The following AFF2 variants were observed in gnomAD, a reference collection of about 807,000 sequenced individuals.
AFF2 encodes the protein AF4/FMR2 family member 2.
Under a neutral mutation model 76.9 loss-of-function variants are expected in AFF2, and 14 were observed. The ratio of observed to expected loss-of-function variants is 0.18; its 90% CI spans 0.12 to 0.28. The LOEUF (loss-of-function observed/expected upper bound fraction) is 0.28, where lower values mean the gene tolerates loss of function less well. Among genes scored for constraint, AFF2 ranks in the 10% least tolerant of loss-of-function variants. The pLI is 1.00. For synonymous variants in AFF2, 398 were observed against 366.7 expected (o/e 1.09, Z -0.98); for missense variants, 868 against 1,001.1 (o/e 0.87, Z 1.79).
At chrX:148,640,581 AACTGAG>A (rs1239183490) in intron 1 of AFF2, among the ~76,000 whole-genome samples, 1 of 112,593 alleles carries the variant, frequency 8.9e-6, no homozygotes, top group Non-Finnish European at 1.9e-5. Flanking sequence ...AGTTTTGGAT[AACTGAG>A]ACTGATAACT....
intron 1 of AFF2, among the ~76,000 whole-genome samples, chrX:148,602,684 C>T (rs1446564157): frequency 9.0e-6 from 1 of 110,889 alleles, no homozygotes; most frequent in East Asian, 2.9e-4. Flanking sequence ...CGAGAAGAGG[C>T]TGAAGAACAG....
chrX:148,803,740 G>A (rs1569555773), intron 3 of AFF2, among the ~76,000 whole-genome samples: 2 of 111,267 alleles, frequency 1.8e-5, no homozygotes, highest in East Asian at 5.7e-4. Context: ...AGCTGATGAT[G>A]GGCCTTTCTG....
At position 148,773,681 on chromosome X, in the gene AFF2, GGAAGGAAAGAAAGAAAGAAA is replaced by G. The variant is rs1298765202; in HGVS notation, c.1042-36191_1042-36172del. Among the ~76,000 whole-genome samples the G allele has an allele frequency of 9.1e-3, 383 of 42,190 alleles. 6 individuals are homozygous for G. The highest frequency in any genetic ancestry group is 0.024 in the African/African-American group (367 of 14,992). The allele number at this position is 42,190 out of a possible 115,157, so 36.6% of individuals were successfully genotyped here. A position where few individuals can be genotyped will look rare whatever the true frequency, so the allele number is the denominator to read the frequency against. On this transcript the variant is annotated intron_variant, in intron 3 of 20. Coordinates refer to ENST00000370460, the MANE Select transcript of AFF2 (RefSeq NM_002025.4). ...AGGAAGGAAGGAAAGAAGGAAGGAAGGAAGGAAAGAAAGAAAGAAAGAAAGAAAGAAAGAAAGAAAGAAAG... is the reference window on the plus strand; with the variant it reads ...AGGAAGGAAGGAAAGAAGGAAGGAAGGAAAGAAAGAAAGAAAGAAAGAAAG...
At chrX:148,660,446 T>C (rs2054293343) in intron 2 of AFF2, among the ~76,000 whole-genome samples, 1 of 111,961 alleles carries the variant, frequency 8.9e-6, no homozygotes, top group African/African-American at 3.3e-5. Context: ...CATCTGCATA[T>C]CCTCCCATCT....
chrX:148,938,401 T>C (rs1557285244), intron 9 of AFF2, among the ~76,000 whole-genome samples: 1 of 112,337 alleles, frequency 8.9e-6, no homozygotes, highest in African/African-American at 3.2e-5. Flanking sequence ...CACATAACCA[T>C]AATTGTATCA....
intron 9 of AFF2, among the ~76,000 whole-genome samples, chrX:148,951,739 G>A (rs2071971143): frequency 9.1e-6 from 1 of 109,852 alleles, no homozygotes; most frequent in South Asian, 3.9e-4. Flanking sequence ...CATAAATAGG[G>A]TATCATTACT....
chrX:148,814,448 G>C (rs960292549), intron 4 of AFF2, among the ~76,000 whole-genome samples: 1 of 112,238 alleles, frequency 8.9e-6, no homozygotes, highest in Non-Finnish European at 1.9e-5. Context: ...TTTTAGATTT[G>C]ATGCTAAACA....
intron 18 of AFF2, among the ~76,000 whole-genome samples, chrX:148,979,945 G>C (rs1378172492): frequency 8.9e-6 from 1 of 112,143 alleles, no homozygotes; most frequent in Non-Finnish European, 1.9e-5. Context: ...TGTAACTTCC[G>C]AGAGCAGGTC....
At chrX:148,947,525 A>G (rs1557286212) in intron 9 of AFF2, among the ~76,000 whole-genome samples, 1 of 111,463 alleles carries the variant, frequency 9.0e-6, no homozygotes, top group Non-Finnish European at 1.9e-5. Flanking sequence ...TGCATACACT[A>G]TTTGTTGCAG....
chrX:148,825,787 T>C (rs1305334826), intron 4 of AFF2, among the ~76,000 whole-genome samples: 1 of 107,402 alleles, frequency 9.3e-6, no homozygotes, highest in Non-Finnish European at 1.9e-5. Context: ...TTTCTTTCCT[T>C]CTTTAATACA....
rs534389733 is a variant in AFF2, at chrX:148,528,736, A to G, written c.47+27592A>G. On this transcript the variant is annotated intron_variant, in intron 1 of 20. Transcript: ENST00000370460. ...AAAATAATAAATATTTCTAAAAGAA[A>G]CAATCCGTTCTCAACTCACTTAAAC... 2.7e-5 allele frequency among the ~76,000 whole-genome samples: 3 copies of G among 112,066 alleles called. No individual in the cohort carries two copies. The South Asian group carries it at 1.1e-3, about 41-fold the overall frequency.
chrX:148,911,075 TTA>T (rs35222291), intron 9 of AFF2, among the ~76,000 whole-genome samples: 11,271 of 104,110 alleles, frequency 0.11, 521 homozygotes, highest in Middle Eastern at 0.2. Context: ...TGCACATAAA[TTA>T]TATATATATA....
At chrX:148,778,358 C>T (rs369928706) in intron 3 of AFF2, among the ~76,000 whole-genome samples, 5 of 111,359 alleles carry the variant, frequency 4.5e-5, no homozygotes, top group East Asian at 5.7e-4. Context: ...AGGATGATGA[C>T]GGTGTCATAG....
At chrX:148,541,525 C>T (rs1302038168) in intron 1 of AFF2, among the ~76,000 whole-genome samples, 1 of 111,179 alleles carries the variant, frequency 9.0e-6, no homozygotes, top group African/African-American at 3.3e-5. Flanking sequence ...ATTCTGAAGC[C>T]ATTAAGTTGT....
chrX:148,806,075 G>A (rs947730589), intron 3 of AFF2, among the ~76,000 whole-genome samples: 7 of 112,817 alleles, frequency 6.2e-5, no homozygotes, highest in African/African-American at 2.3e-4. Context: ...GAATTAAGCA[G>A]CAGCTTGGCA....
chrX:148,513,483 A>G (rs1001717309), intron 1 of AFF2, among the ~76,000 whole-genome samples: 1 of 111,711 alleles, frequency 9.0e-6, no homozygotes, highest in Non-Finnish European at 1.9e-5. Context: ...GCCCAACTGA[A>G]AAACTTTGAA....
intron 3 of AFF2, among the ~76,000 whole-genome samples, chrX:148,712,118 C>G (rs782299149): frequency 1.8e-5 from 2 of 111,712 alleles, no homozygotes; most frequent in African/African-American, 3.3e-5. Flanking sequence ...GCAGTCACAT[C>G]TGCCTCCATC....
chrX:148,735,548 T>G (rs1438506887), intron 3 of AFF2, among the ~76,000 whole-genome samples: 1 of 112,226 alleles, frequency 8.9e-6, no homozygotes, highest in Non-Finnish European at 1.9e-5. Flanking sequence ...TTCATTGAGA[T>G]TTCTTTATAG....
At chrX:148,712,648 A>ATGC in intron 3 of AFF2, among the ~76,000 whole-genome samples, 1 of 112,359 alleles carries the variant, frequency 8.9e-6, no homozygotes, top group South Asian at 3.7e-4. Flanking sequence ...TGAATTCAAT[A>ATGC]TACAATGAAA....
Sources: gnomAD v4.1 joint callset for allele counts (sites outside exome capture counted in the v4.1 genomes callset) on GRCh38, gnomAD v4.1.1 for gene constraint, MANE v1.5 for transcripts, NCBI Gene and HGNC (gene_info 2026-07-23, HGNC 2026-07-21) for gene names.